KNL1: variants seen among roughly 807,000 people sequenced by gnomAD.
KNL1 encodes outer kinetochore KNL1 complex subunit KNL1.
In KNL1, 66 loss-of-function variants were observed where a neutral mutation model predicts 201.3. That is an observed-to-expected ratio of 0.33 (90% CI 0.27 to 0.40). KNL1 has a LOEUF of 0.40. KNL1 is among the 10% of genes least tolerant of loss of function. KNL1 has a pLI of 1.00. For synonymous variants in KNL1, 895 were observed against 899.2 expected, an observed-to-expected ratio of 1.00 and a Z score of 0.08; for missense variants, 2,815 against 2,690.5, an observed-to-expected ratio of 1.05 and a Z score of -1.02.
At chr15:40,652,234 C>A in intron 21 of KNL1, 129 bp downstream of exon 21, 1 of 474,098 alleles carries the variant, frequency 2.1e-6, no homozygotes, top group Non-Finnish European at 3.7e-6. Context: ...AGTCTTAGAA[C>A]AGTCACTTTA....
At position 40,620,961 on chromosome 15, in the gene KNL1, G is replaced by A. The variant is rs1892502533; in HGVS notation, c.697G>A (p.Val233Met). The change falls in exon 10 of 26, where the codon GTG (valine) becomes ATG (methionine). Residue 233 changes from valine to methionine, a missense_variant. By Grantham distance (21) the Val-to-Met change is conservative. This residue lies in a region of KNL1 where 2,464 missense variants were observed against 2,291.7 expected (regional missense o/e 1.08). Coordinates refer to ENST00000399668, the MANE Select transcript of KNL1 (RefSeq NM_144508.5). ...KTGKCSAFPDVPDKENFEIPI... is the reference protein window; with the variant it reads ...KTGKCSAFPDMPDKENFEIPI... ...AGGAAAATGTAGTGCTTTTCCTGAT[G>A]TGCCTGATAAAGAAAATTTTGAGAT... 3.7e-6 allele frequency: 6 copies of A among 1,606,386 alleles called. No individual in the cohort carries two copies. The East Asian group carries it at 1.1e-4, about 30-fold the overall frequency.
In KNL1 at chr15:40,662,334, A is replaced by T; in HGVS notation, c.*146A>T. On this transcript the variant is annotated 3_prime_UTR_variant, in exon 26 of 26. Transcript: ENST00000399668. ...GTTATAGTTAATCTGTATGTTTTTT[A>T]TATCTCTGCAGAATGATGGTGATGA... The T allele has an allele frequency of 1.7e-6, 1 of 588,406 alleles. No homozygotes were observed. Among genetic ancestry groups the T allele is most frequent in the Non-Finnish European group, 3.0e-6 (1 of 328,840 alleles). The allele number at this position is 588,406 out of a possible 1,614,324, so 36.4% of individuals were successfully genotyped here.
chr15:40,604,910 T>C (rs1256420591), intron 2 of KNL1, among the ~76,000 whole-genome samples, 200 bp from the exon 3 acceptor site: 2 of 152,248 alleles, frequency 1.3e-5, no homozygotes, highest in Non-Finnish European at 2.9e-5. Flanking sequence ...ATTCAAGAGA[T>C]AGTCTCGTAG....
At chr15:40,630,573 G>T (rs568970586) in intron 13 of KNL1, among the ~76,000 whole-genome samples, 2 of 152,114 alleles carry the variant, frequency 1.3e-5, no homozygotes, top group East Asian at 1.9e-4. Context: ...TACCAACTGA[G>T]CTCTGCCTCC....
intron 20 of KNL1, 93 bp downstream of exon 20, chr15:40,651,665 T>A: frequency 2.3e-6 from 2 of 869,694 alleles, no homozygotes; most frequent in Non-Finnish European, 3.5e-6. Context: ...TTTAATGTGT[T>A]GCTGTTTTTA....
chr15:40,606,432 G>T lies in KNL1; in HGVS notation c.115G>T (p.Gly39Cys). The part of the protein sequence containing the change: ...PPRSPLQDLR[G>C]GNERVQESNA... ...AAGGAGTCCTCTTCAGGACCTCAGAGGTGGGAATGAAAGAGTTCAGGTAAG... is the reference window on the plus strand; with the variant it reads ...AAGGAGTCCTCTTCAGGACCTCAGATGTGGGAATGAAAGAGTTCAGGTAAG... The change falls in exon 4 of 26, where the codon GGT (glycine) becomes TGT (cysteine). Residue 39 changes from glycine to cysteine, a missense_variant. Gly to Cys is a radical substitution (Grantham distance 159). Coordinates refer to ENST00000399668, the MANE Select transcript of KNL1 (RefSeq NM_144508.5). The T allele has an allele frequency of 6.3e-7, 1 of 1,577,922 alleles. No homozygotes were observed. Among genetic ancestry groups the T allele is most frequent in the Non-Finnish European group, 8.7e-7 (1 of 1,147,432 alleles).
At chr15:40,597,608 A>G (rs1891658233) in intron 1 of KNL1, among the ~76,000 whole-genome samples, 1 of 152,126 alleles carries the variant, frequency 6.6e-6, no homozygotes, top group African/African-American at 2.4e-5. Context: ...TCAATAATCA[A>G]GAGTTTGGCC....
In KNL1 at chr15:40,624,331, A is replaced by G; in HGVS notation, c.4067A>G (p.Gln1356Arg). The G allele has an allele frequency of 6.2e-7, 1 of 1,614,010 alleles. No individual in the cohort carries two copies. Among genetic ancestry groups the G allele is most frequent in the Non-Finnish European group, 8.5e-7 (1 of 1,179,914 alleles). ...GAATATTACTTGGAATCTGAGGGAC[A>G]GCCTCTCTCTGCTCCTTGTCCTTTG... ...ASEYYLESEG[Q>R]PLSAPCPLLE... is the part of the protein sequence containing the mutation. The change falls in exon 10 of 26, where the codon CAG (glutamine) becomes CGG (arginine). Residue 1356 changes from glutamine (Q) to arginine (R), a missense_variant. Gln to Arg is a conservative substitution (Grantham distance 43, BLOSUM62 1). Transcript: ENST00000399668.
At chr15:40,631,370 A>C (rs1452095161) in intron 13 of KNL1, among the ~76,000 whole-genome samples, 3 of 152,156 alleles carry the variant, frequency 2.0e-5, no homozygotes, top group Non-Finnish European at 2.9e-5. Context: ...GTAAAGGAGA[A>C]TATTTAATGG....
intron 14 of KNL1, among the ~76,000 whole-genome samples, chr15:40,642,607 T>G (rs911828418): frequency 3.3e-5 from 5 of 152,110 alleles, no homozygotes; most frequent in African/African-American, 1.2e-4. Flanking sequence ...AGGATTTCCC[T>G]GAGAATGTTT....
intron 1 of KNL1, among the ~76,000 whole-genome samples, chr15:40,595,469 G>A (rs1264276264): frequency 6.6e-6 from 1 of 152,190 alleles, no homozygotes; most frequent in Admixed American, 6.5e-5. Context: ...GTAATTAAAG[G>A]TTAGGGTCAA....
At chr15:40,641,188 A>G (rs952861284) in intron 14 of KNL1, among the ~76,000 whole-genome samples, 161 bp downstream of exon 14, 1 of 152,226 alleles carries the variant, frequency 6.6e-6, no homozygotes, top group Non-Finnish European at 1.5e-5. Context: ...TCGTAGTCAG[A>G]TTGAAGCTCA....
chr15:40,657,931 C>A (rs1181683401), intron 24 of KNL1, among the ~76,000 whole-genome samples: 1 of 152,062 alleles, frequency 6.6e-6, no homozygotes, highest in Non-Finnish European at 1.5e-5. Flanking sequence ...ACTTGGTCAG[C>A]AGTTTATTAA....
At chr15:40,629,469 T>TTA in intron 13 of KNL1, 98 bp downstream of exon 13, 14 of 584,458 alleles carry the variant, frequency 2.4e-5, no homozygotes, top group Non-Finnish European at 3.7e-5. Flanking sequence ...ATAGAGAGTT[T>TTA]TCTTTTTTTT....
rs1248575995 is a variant in KNL1, at chr15:40,621,632, C to G, written c.1368C>G (p.Asp456Glu). ...AGGAGAAAAATTTGCTAAAGCATGACAGTAATTATGCTAAAATGTATTGCA... is the reference window on the plus strand; with the variant it reads ...AGGAGAAAAATTTGCTAAAGCATGAGAGTAATTATGCTAAAATGTATTGCA... ...MREEKNLLKH[D>E]SNYAKMYCNP... The change falls in exon 10 of 26, where the codon GAC (aspartate) becomes GAG (glutamate). Residue 456 changes from aspartate to glutamate, a missense_variant. Asp to Glu is a conservative substitution (Grantham distance 45). Transcript: ENST00000399668. 2 of 1,612,448 alleles carry G rather than the reference C, an allele frequency of 1.2e-6. No homozygotes were observed. The highest frequency in any genetic ancestry group is 3.3e-5 in the Admixed American group (2 of 59,736).
rs12911738 is a variant in KNL1 at position 40,611,486 on chromosome 15, A to G, written c.259A>G (p.Thr87Ala). The G allele has an allele frequency of 0.8, 183,430 of 229,010 alleles. 75,673 individuals are homozygous for G. The highest frequency in any genetic ancestry group is 0.91 in the African/African-American group (38,635 of 42,358). The allele number at this position is 229,010 out of a possible 1,614,324, so 14.2% of individuals were successfully genotyped here. The change falls in exon 7 of 26, where the codon ACA (threonine) becomes GCA (alanine). Residue 87 changes from threonine to alanine, a missense_variant. This residue lies in a region of KNL1 where 2,464 missense variants were observed against 2,291.7 expected (regional missense o/e 1.08). Coordinates refer to ENST00000399668, the MANE Select transcript of KNL1 (RefSeq NM_144508.5). ...VRKSEMEETE[T>A]GENLLLIQNK... is the part of the protein sequence containing the mutation. ...TTTAATTTTATTTTTAGAAACAGAA[A>G]CAGGAGAAAATCTTCTTTTGATACA...
At chr15:40,650,792 C>T (rs1479155903) in intron 19 of KNL1, among the ~76,000 whole-genome samples, 1 of 152,108 alleles carries the variant, frequency 6.6e-6, no homozygotes, top group Admixed American at 6.5e-5. Flanking sequence ...TTATCCACAA[C>T]AGTGTTTCTC....
intron 10 of KNL1, chr15:40,626,104 G>C: frequency 6.6e-6 from 1 of 152,134 alleles, no homozygotes; most frequent in East Asian, 1.9e-4. Flanking sequence ...TGGCTGACAA[G>C]GATATGTAGA....
chr15:40,641,922 G>A lies in KNL1; in HGVS notation c.5798+895G>A, dbSNP rs1427558292. On this transcript the variant is annotated intron_variant, in intron 14 of 25. Coordinates refer to ENST00000399668, the MANE Select transcript of KNL1 (RefSeq NM_144508.5). ...ATACTGCAGACTGATTTACAAATTA[G>A]ATACATCTAGATTCCCTTAGGTAAA... Among the ~76,000 whole-genome samples, 11 of 152,182 alleles carry A rather than the reference G, an allele frequency of 7.2e-5. No homozygotes were observed. The East Asian group carries it at 1.9e-3, about 27-fold the overall frequency.
Sources: allele counts gnomAD v4.1 joint callset (sites outside exome capture counted in the v4.1 genomes callset), GRCh38; gene constraint gnomAD v4.1.1; regional missense constraint gnomAD v4.1.1; transcripts MANE v1.5; gene names NCBI Gene and HGNC (gene_info 2026-07-23, HGNC 2026-07-21).